Variants in UVSSA observed in about 807,000 individuals in gnomAD.
UVSSA encodes UV stimulated scaffold protein A, also known as UV-stimulated scaffold protein A.
In UVSSA, 72 loss-of-function variants were observed where a neutral mutation model predicts 73.9. That is an observed-to-expected ratio of 0.97 (90% confidence interval 0.81 to 1.19). The LOEUF is 1.19. UVSSA is among the 50% of genes most tolerant of loss of function. UVSSA has a pLI of 0.00. For missense variants in UVSSA, 1,150 were observed against 965.0 expected, an observed-to-expected ratio of 1.19 and a Z score of -2.54; for synonymous variants, 454 against 391.3, an observed-to-expected ratio of 1.16 and a Z score of -1.89.
In UVSSA at chr4:1,367,768, C is replaced by G. The variant is rs73077565; in HGVS notation, c.1288+1337C>G. 9.7e-3 allele frequency among the ~76,000 whole-genome samples: 1,470 copies of G among 152,302 alleles called. 30 individuals are homozygous for G. Among genetic ancestry groups the G allele is most frequent in the African/African-American group, 0.032 (1,341 of 41,570 alleles). The stretch of plus-strand genomic sequence containing the variant: ...AGCCGAGGGACCTGCACGCCTCTCC[C>G]CACCACCGACCTCACTGCGTCAGAC... On this transcript the variant is annotated intron_variant, in intron 8 of 13. Coordinates refer to ENST00000389851, the MANE Select transcript of UVSSA (RefSeq NM_020894.4).
chr4:1,346,927 A>C (rs1311346793), upstream of UVSSA, among the ~76,000 whole-genome samples: 1 of 151,978 alleles, frequency 6.6e-6, no homozygotes, highest in Non-Finnish European at 1.5e-5. Flanking sequence ...CCTCGCCGGG[A>C]GCGCGCCTAC....
At chr4:1,371,559 G>A (rs534294539) in intron 8 of UVSSA, among the ~76,000 whole-genome samples, 3 of 152,320 alleles carry the variant, frequency 2.0e-5, no homozygotes, top group South Asian at 4.1e-4. Context: ...GAAGAAAGAG[G>A]TTTACTGGAC....
At chr4:1,376,445 C>T (rs1560476129) in intron 10 of UVSSA, among the ~76,000 whole-genome samples, 4 of 152,166 alleles carry the variant, frequency 2.6e-5, no homozygotes, top group South Asian at 2.1e-4. Context: ...AACAGCTGGA[C>T]GAGAAACCAC....
At chr4:1,356,121 A>G (rs923243498) in intron 7 of UVSSA, among the ~76,000 whole-genome samples, 6 of 152,086 alleles carry the variant, frequency 3.9e-5, no homozygotes, top group Non-Finnish European at 8.8e-5. Flanking sequence ...CTGAACCCCA[A>G]CACCCCTGAG....
upstream of UVSSA, among the ~76,000 whole-genome samples, chr4:1,346,125 G>C (rs1423243422): frequency 1.3e-5 from 2 of 152,200 alleles, no homozygotes. Context: ...GAGGGGCGGC[G>C]CAGGGAGTCC....
chr4:1,366,322 A>G lies in UVSSA; in HGVS notation c.1179A>G (p.Thr393=). 6.2e-7 allele frequency: 1 copy of G among 1,610,600 alleles called. No individual in the cohort carries two copies. The highest frequency in any genetic ancestry group is 8.5e-7 in the Non-Finnish European group (1 of 1,178,250). Residue 393 remains threonine (T), a splice_region_variant and synonymous_variant, in exon 8 of 14, where the codon ACA becomes ACG. Transcript: ENST00000389851. The stretch of plus-strand genomic sequence containing the variant: ...TGTATTGGGGTGTTTTTCCACAGAC[A>G]GAAGCCCTGGGGGATGCGGAGGAAG... The part of the protein sequence containing the change: ...IEPEGGERRR[T]EALGDAEEDE...
rs1251458502 is a variant in UVSSA at position 1,366,194 on chromosome 4, A to G, written c.1177-126A>G. 18 of 733,266 alleles carry G rather than the reference A, an allele frequency of 2.5e-5. No homozygotes were observed. In the East Asian group the frequency reaches 4.6e-4, roughly 19 times the overall value. 45.4% of individuals were successfully genotyped at this position (733,266 alleles called of 1,614,324 possible). On this transcript the variant is annotated intron_variant, in intron 7 of 13. Transcript: ENST00000389851. ...CTTAAATGCAGTCCAACCGTGGCTGATGTTGGAGCCCTAAGCAGGGGAAAA... is the reference window on the plus strand; with the variant it reads ...CTTAAATGCAGTCCAACCGTGGCTGGTGTTGGAGCCCTAAGCAGGGGAAAA...
At chr4:1,382,422 C>T (rs1302186762) in intron 12 of UVSSA, among the ~76,000 whole-genome samples, 1 of 152,348 alleles carries the variant, frequency 6.6e-6, no homozygotes, top group East Asian at 1.9e-4. Context: ...ATTTTCCTTT[C>T]CCTGGTGCTA....
chr4:1,385,621 A>G lies in UVSSA; in HGVS notation c.2037-247A>G. ...GGGGCTGGGGCCACCTTCACCGCGC[A>G]GAACCACCCGCCGCAGACTCCGCTT... is the stretch of plus-strand genomic sequence containing the variant. On this transcript the variant is annotated intron_variant, in intron 13 of 13. Coordinates refer to ENST00000389851, the MANE Select transcript of UVSSA (RefSeq NM_020894.4). 7.3e-6 allele frequency: 4 copies of G among 548,678 alleles called. No homozygotes were observed. The South Asian group carries it at 8.3e-5, about 11-fold the overall frequency. 34.0% of individuals were successfully genotyped at this position (548,678 alleles called of 1,614,324 possible). A position where few individuals can be genotyped will look rare whatever the true frequency, so the allele number is the denominator to read the frequency against.
At chr4:1,380,491 C>G in intron 11 of UVSSA, 1 of 829,760 alleles carries the variant, frequency 1.2e-6, no homozygotes, top group Non-Finnish European at 1.8e-6. Context: ...CCAAGACACA[C>G]AGTATCCTCC....
intron 8 of UVSSA, among the ~76,000 whole-genome samples, chr4:1,372,729 A>AGCACTCACCTCCCGCGTCTCAGG (rs1718229516): frequency 7.4e-6 from 1 of 135,506 alleles, no homozygotes; most frequent in African/African-American, 2.9e-5. Flanking sequence ...CCTGCTACTC[A>AGCACTCACCTCCCGCGTCTCAGG]GCACTCACCT....
intron 10 of UVSSA, 53 bp downstream of exon 10, chr4:1,376,221 C>T (rs1166075939): frequency 5.8e-6 from 9 of 1,547,556 alleles, no homozygotes; most frequent in Non-Finnish European, 7.9e-6. Context: ...GGGTCCCAGC[C>T]TGAGGAGGGG....
chr4:1,376,803 C>T (rs1366619620), intron 10 of UVSSA, among the ~76,000 whole-genome samples: 1 of 152,180 alleles, frequency 6.6e-6, no homozygotes, highest in Non-Finnish European at 1.5e-5. Flanking sequence ...GGGCCCCTGC[C>T]GCCGCCTCAG....
chr4:1,383,109 C>A (rs1303341134), intron 12 of UVSSA, among the ~76,000 whole-genome samples: 1 of 152,084 alleles, frequency 6.6e-6, no homozygotes, highest in Non-Finnish European at 1.5e-5. Context: ...CCCAGTGGGG[C>A]TGTTGACATT....
intron 5 of UVSSA, 51 bp downstream of exon 5, chr4:1,353,464 G>C (rs373076268): frequency 2.8e-6 from 4 of 1,437,658 alleles, no homozygotes; most frequent in Admixed American, 5.6e-5. Flanking sequence ...CGGCTCCCGG[G>C]TAGGCTCCTC....
In UVSSA at chr4:1,380,201, C is replaced by T. The variant is rs747305805; in HGVS notation, c.1723C>T (p.Arg575Trp). The stretch of plus-strand genomic sequence containing the variant: ...GTGCCGTGCCCCGAGGCCAGACGGC[C>T]GGCTCTGTGAGCGCCAAGACCGGCT... The part of the protein sequence containing the change: ...HWCRAPRPDG[R>W]LCERQDRLKC... Residue 575 changes from arginine (R) to tryptophan (W), a missense_variant, in exon 11 of 14, where the codon CGG becomes TGG. By Grantham distance (101) the Arg-to-Trp change is moderately radical. Coordinates refer to ENST00000389851, the MANE Select transcript of UVSSA (RefSeq NM_020894.4). 1.7e-5 allele frequency: 28 copies of T among 1,612,388 alleles called. No individual in the cohort carries two copies. Among genetic ancestry groups the T allele is most frequent in the African/African-American group, 5.3e-5 (4 of 74,928 alleles).
chr4:1,394,064 A>G (rs1316256264), exon 14 of UVSSA: 2 of 286,230 alleles, frequency 7.0e-6, no homozygotes, highest in Admixed American at 1.0e-4. Flanking sequence ...GTGCTCCAGC[A>G]GGCAGCTGCC....
intron 7 of UVSSA, among the ~76,000 whole-genome samples, chr4:1,364,517 G>A (rs1432915516): frequency 6.6e-6 from 1 of 152,238 alleles, no homozygotes; most frequent in Non-Finnish European, 1.5e-5. Context: ...GGAAACAGCT[G>A]CGATCGCAGG....
chr4:1,369,160 A>G (rs1167643383), intron 8 of UVSSA, among the ~76,000 whole-genome samples: 2 of 152,194 alleles, frequency 1.3e-5, no homozygotes, highest in Non-Finnish European at 2.9e-5. Context: ...GAAGGTGCCG[A>G]TGTGCCCTGT....
Sources: gnomAD v4.1 joint callset for allele counts (sites outside exome capture counted in the v4.1 genomes callset) on GRCh38, gnomAD v4.1.1 for gene constraint, MANE v1.5 for transcripts, NCBI Gene and HGNC (gene_info 2026-07-23, HGNC 2026-07-21) for gene names.